CAMTA1: variants seen among roughly 807,000 people sequenced by gnomAD.
CAMTA1 encodes the protein calmodulin binding transcription activator 1, also known as calmodulin-binding transcription activator 1.
CAMTA1 carries 27 observed loss-of-function variants against 170.9 expected under a neutral mutation model. That is an observed-to-expected ratio of 0.16 (90% CI 0.12 to 0.22). The LOEUF (loss-of-function observed/expected upper bound fraction) is 0.22. CAMTA1 is among the 10% of genes least tolerant of loss of function. The pLI is 1.00. For synonymous variants in CAMTA1, 833 were observed against 891.5 expected (o/e 0.93, Z 1.17); for missense variants, 1,619 against 2,217.2 (o/e 0.73, Z 5.42).
rs1673623877 is a variant in CAMTA1, at chr1:6,887,725, A to G, written c.234+62515A>G. 1 of 1,535,158 alleles carries G rather than the reference A, an allele frequency of 6.5e-7. No homozygotes were observed. Among genetic ancestry groups the G allele is most frequent in the South Asian group, 1.2e-5 (1 of 84,034 alleles). ...CACAGAGCTGGAGCCATGAGGGCTG[A>G]CACATTGGAATGAAAGCTGGCAGAA... On this transcript the variant is annotated intron_variant, in intron 3 of 22. Transcript: ENST00000303635. The surrounding 1 kb of genome is among the most constrained non-coding windows in gnomAD (Gnocchi z 4.1).
chr1:6,831,198 C>A (rs1649994403), intron 3 of CAMTA1, among the ~76,000 whole-genome samples: 1 of 152,054 alleles, frequency 6.6e-6, no homozygotes, highest in Admixed American at 6.5e-5. Flanking sequence ...AAATTTTGTA[C>A]CTGTGTGTAA....
chr1:7,688,424 G>C (rs2096277027), intron 11 of CAMTA1, among the ~76,000 whole-genome samples: 1 of 152,130 alleles, frequency 6.6e-6, no homozygotes, highest in Non-Finnish European at 1.5e-5. Flanking sequence ...CAGGGAATCT[G>C]GCTGGTCCAG....
chr1:7,452,120 T>C (rs2092839856), intron 5 of CAMTA1, among the ~76,000 whole-genome samples: 2 of 152,226 alleles, frequency 1.3e-5, no homozygotes, highest in Admixed American at 1.3e-4. Flanking sequence ...CTTTGCCTGG[T>C]TCCCCATCAA....
intron 4 of CAMTA1, among the ~76,000 whole-genome samples, chr1:7,196,849 C>T (rs185405307): frequency 1.8e-4 from 27 of 152,278 alleles, no homozygotes; most frequent in African/African-American, 6.0e-4. Context: ...ATGCACATTC[C>T]GCTGAATGGC....
chr1:7,673,569 A>G lies in CAMTA1; in HGVS notation c.2779+2532A>G, dbSNP rs1288717205. ...GGCAGGTAGAGTCTCTGCCCAGGCC[A>G]CTCACCCTCCTAGCTGTTCAGGCTC... On this transcript the variant is annotated intron_variant, in intron 10 of 22. Coordinates refer to ENST00000303635, the MANE Select transcript of CAMTA1 (RefSeq NM_015215.4). The surrounding 1 kb of genome is among the most constrained non-coding windows in gnomAD (Gnocchi z 4.6). Among the ~76,000 whole-genome samples the G allele has an allele frequency of 3.3e-5, 5 of 151,844 alleles. No individual in the cohort carries two copies. The highest frequency in any genetic ancestry group is 1.3e-4 in the Admixed American group (2 of 15,234).
chr1:7,669,761 G>C (rs1202698521), intron 9 of CAMTA1, among the ~76,000 whole-genome samples: 1 of 152,184 alleles, frequency 6.6e-6, no homozygotes, highest in Admixed American at 6.5e-5. Context: ...CCCAAGGTTA[G>C]CCAGGAGAGT....
At chr1:7,497,347 C>T (rs2093846186) in intron 6 of CAMTA1, among the ~76,000 whole-genome samples, 1 of 152,186 alleles carries the variant, frequency 6.6e-6, no homozygotes, top group Non-Finnish European at 1.5e-5. Context: ...AGGCCCCATC[C>T]CATCCTCCAA....
chr1:7,521,302 CA>C (rs1455643197), intron 6 of CAMTA1, among the ~76,000 whole-genome samples: 1 of 152,204 alleles, frequency 6.6e-6, no homozygotes, highest in Non-Finnish European at 1.5e-5. Flanking sequence ...ATTGTAGGCT[CA>C]TATGCAGTTG....
chr1:7,165,594 A>C (rs372712344), intron 4 of CAMTA1, among the ~76,000 whole-genome samples: 4 of 152,048 alleles, frequency 2.6e-5, no homozygotes, highest in South Asian at 4.2e-4. Flanking sequence ...ACCATGCCTG[A>C]CTAATTTTAG....
chr1:7,393,881 A>C (rs1036175144), intron 5 of CAMTA1, among the ~76,000 whole-genome samples: 1 of 152,154 alleles, frequency 6.6e-6, no homozygotes, highest in Non-Finnish European at 1.5e-5. Flanking sequence ...GGTAACCACT[A>C]TTCTACTCTC....
intron 4 of CAMTA1, among the ~76,000 whole-genome samples, chr1:7,175,130 T>A (rs2148849323): frequency 6.6e-6 from 1 of 152,284 alleles, no homozygotes; most frequent in African/African-American, 2.4e-5. Context: ...TCAGGCACTC[T>A]GGCCCATGTG....
At chr1:7,629,052 T>C (rs954930150) in intron 6 of CAMTA1, among the ~76,000 whole-genome samples, 4 of 152,210 alleles carry the variant, frequency 2.6e-5, no homozygotes, top group Non-Finnish European at 5.9e-5. Flanking sequence ...CCATGGCTTC[T>C]TGTCCCAGGG....
At chr1:6,807,492 G>T (rs554297373) in intron 1 of CAMTA1, among the ~76,000 whole-genome samples, 1 of 152,202 alleles carries the variant, frequency 6.6e-6, no homozygotes, top group African/African-American at 2.4e-5. Flanking sequence ...AGGCCGAGGC[G>T]GGTGGATCAT....
At chr1:6,968,131 C>T (rs921673257) in intron 3 of CAMTA1, among the ~76,000 whole-genome samples, 3 of 152,220 alleles carry the variant, frequency 2.0e-5, no homozygotes, top group Non-Finnish European at 2.9e-5. Flanking sequence ...CCACGAATTC[C>T]GTTGGCCCCT....
chr1:7,430,494 T>A (rs2796490), intron 5 of CAMTA1, among the ~76,000 whole-genome samples: 131,013 of 151,760 alleles, frequency 0.86, 56,991 homozygotes, highest in East Asian at 0.98. Flanking sequence ...GATGGTGATT[T>A]TGGTGGTGGT....
At chr1:7,348,254 G>T (rs1234321905) in intron 5 of CAMTA1, among the ~76,000 whole-genome samples, 1 of 152,204 alleles carries the variant, frequency 6.6e-6, no homozygotes, top group East Asian at 1.9e-4. Flanking sequence ...CAGCTTCAGC[G>T]TTCTGGCCTT....
At chr1:7,091,825 G>T (rs532295103) in intron 4 of CAMTA1, among the ~76,000 whole-genome samples, 13 of 152,308 alleles carry the variant, frequency 8.5e-5, no homozygotes, top group Admixed American at 3.3e-4. Context: ...CAGAAGCAAT[G>T]GCTAAGCTCG....
chr1:7,103,569 CACA>C (rs1408742723), intron 4 of CAMTA1, among the ~76,000 whole-genome samples: 5 of 147,396 alleles, frequency 3.4e-5, no homozygotes, highest in African/African-American at 5.2e-5. Flanking sequence ...ATACACACAA[CACA>C]ACTACACACA....
At chr1:6,913,951 A>G (rs576996819) in intron 3 of CAMTA1, among the ~76,000 whole-genome samples, 2 of 152,146 alleles carry the variant, frequency 1.3e-5, no homozygotes, top group East Asian at 1.9e-4. Flanking sequence ...GAAAGGAGTA[A>G]AGAGGCTACA....
Sources: gnomAD v4.1 joint callset for allele counts (sites outside exome capture counted in the v4.1 genomes callset) on GRCh38, gnomAD v4.1.1 for gene constraint, Gnocchi (gnomAD v3.1) non-coding constraint, MANE v1.5 for transcripts, NCBI Gene and HGNC (gene_info 2026-07-23, HGNC 2026-07-21) for gene names.